Variants in CA10 observed in about 807,000 individuals in gnomAD.
CA10 encodes carbonic anhydrase 10 (inactive).
In CA10, 14 loss-of-function variants were observed where a neutral mutation model predicts 44.2. The observed-to-expected ratio is 0.32, with a 90% CI of 0.21 to 0.50. The LOEUF (loss-of-function observed/expected upper bound fraction) is 0.50, where lower values mean the gene tolerates loss of function less well. CA10 is among the 20% of genes least tolerant of loss of function. The pLI is 0.99. For missense variants in CA10, 350 were observed against 409.7 expected, an observed-to-expected ratio of 0.85 and a Z score of 1.26; for synonymous variants, 159 against 141.6, an observed-to-expected ratio of 1.12 and a Z score of -0.87.
intron 3 of CA10, among the ~76,000 whole-genome samples, chr17:51,846,052 A>C (rs1408446658): frequency 6.6e-6 from 1 of 152,208 alleles, no homozygotes; most frequent in Non-Finnish European, 1.5e-5. Flanking sequence ...TGCTTTAACA[A>C]TTTTTCCAGT....
At chr17:51,961,180 T>C (rs1296167248) in intron 2 of CA10, among the ~76,000 whole-genome samples, 1 of 107,088 alleles carries the variant, frequency 9.3e-6, no homozygotes, top group Non-Finnish European at 1.9e-5. Flanking sequence ...TCTCTGTATG[T>C]ACACACAAAC....
chr17:51,786,336 G>A (rs1446586069), intron 3 of CA10, among the ~76,000 whole-genome samples: 1 of 152,036 alleles, frequency 6.6e-6, no homozygotes, highest in East Asian at 1.9e-4. Flanking sequence ...CAGATCACTT[G>A]AGCTTAGGAG....
At chr17:51,927,072 C>T (rs572732070) in intron 3 of CA10, among the ~76,000 whole-genome samples, 1 of 152,232 alleles carries the variant, frequency 6.6e-6, no homozygotes, top group East Asian at 1.9e-4. Flanking sequence ...TTAGATCCTA[C>T]CTTCTATACT....
intron 2 of CA10, among the ~76,000 whole-genome samples, chr17:52,009,727 T>C (rs2144132898): frequency 6.6e-6 from 1 of 151,960 alleles, no homozygotes; most frequent in Non-Finnish European, 1.5e-5. Context: ...ATGAGCAAAT[T>C]CAACAAAAAC....
intron 3 of CA10, among the ~76,000 whole-genome samples, chr17:51,863,588 C>T (rs762278154): frequency 1.8e-4 from 27 of 152,184 alleles, no homozygotes; most frequent in Non-Finnish European, 3.2e-4. Context: ...ACTTAAGATG[C>T]CAGTCACAAG....
At chr17:51,776,801 A>G (rs1191968346) in intron 3 of CA10, among the ~76,000 whole-genome samples, 1 of 152,216 alleles carries the variant, frequency 6.6e-6, no homozygotes, top group African/African-American at 2.4e-5. Flanking sequence ...AGTCACATGT[A>G]GCTAGTACCT....
At chr17:51,859,922 G>A (rs1174184185) in intron 3 of CA10, among the ~76,000 whole-genome samples, 2 of 152,128 alleles carry the variant, frequency 1.3e-5, no homozygotes, top group Non-Finnish European at 2.9e-5. Flanking sequence ...CTTATTTAAA[G>A]GTCAGAGTGG....
At chr17:51,765,125 A>T (rs1325281099) in intron 3 of CA10, among the ~76,000 whole-genome samples, 2 of 152,230 alleles carry the variant, frequency 1.3e-5, no homozygotes, top group African/African-American at 4.8e-5. Flanking sequence ...ATCTGGTTGC[A>T]ATAAAGCAAA....
chr17:52,065,308 CTGA>C (rs1987503806), intron 2 of CA10, among the ~76,000 whole-genome samples: 1 of 152,184 alleles, frequency 6.6e-6, no homozygotes, highest in South Asian at 2.1e-4. Context: ...ACAGATTGTA[CTGA>C]TGTGTTTGTT....
chr17:51,738,501 G>A (rs779854842), intron 4 of CA10, among the ~76,000 whole-genome samples: 64 of 152,242 alleles, frequency 4.2e-4, no homozygotes, highest in Non-Finnish European at 8.2e-4. Flanking sequence ...TGAGACCAAG[G>A]AAGAACATTT....
chr17:51,969,602 A>T (rs1984206968), intron 2 of CA10, among the ~76,000 whole-genome samples: 1 of 152,092 alleles, frequency 6.6e-6, no homozygotes, highest in African/African-American at 2.4e-5. Flanking sequence ...ATAGAAGAAT[A>T]GATTGGAACC....
intron 6 of CA10, among the ~76,000 whole-genome samples, chr17:51,646,708 T>G (rs534735996): frequency 6.6e-6 from 1 of 152,312 alleles, no homozygotes; most frequent in South Asian, 2.1e-4. Context: ...CAGACTCCCC[T>G]GCCTGCCACT....
intron 2 of CA10, among the ~76,000 whole-genome samples, chr17:51,944,586 C>T (rs947768236): frequency 1.3e-5 from 2 of 152,140 alleles, no homozygotes; most frequent in African/African-American, 2.4e-5. Context: ...GGTATACTCA[C>T]ATAAAGAATA....
intron 2 of CA10, among the ~76,000 whole-genome samples, chr17:52,026,377 T>A (rs1986301808): frequency 6.6e-6 from 1 of 152,150 alleles, no homozygotes; most frequent in Non-Finnish European, 1.5e-5. Flanking sequence ...GGTTCTCTAC[T>A]CAATAGCATC....
intron 3 of CA10, among the ~76,000 whole-genome samples, chr17:51,883,266 G>A (rs369789652): frequency 8.6e-5 from 13 of 151,536 alleles, no homozygotes; most frequent in East Asian, 1.9e-4. Flanking sequence ...CTAATTTTTC[G>A]TTTTCTGTTG....
At chr17:51,842,264 C>A (rs915640319) in intron 3 of CA10, among the ~76,000 whole-genome samples, 2 of 151,876 alleles carry the variant, frequency 1.3e-5, no homozygotes, top group African/African-American at 4.8e-5. Flanking sequence ...AGAGAAAAAA[C>A]AAAAACAATC....
At chr17:52,061,331 T>C (rs1407843392) in intron 2 of CA10, among the ~76,000 whole-genome samples, 1 of 152,114 alleles carries the variant, frequency 6.6e-6, no homozygotes, top group African/African-American at 2.4e-5. Context: ...GTAATGCAGG[T>C]GGCTTCTAGA....
intron 3 of CA10, among the ~76,000 whole-genome samples, chr17:51,749,576 ATTAT>A (rs1474576671): frequency 6.6e-6 from 1 of 152,216 alleles, no homozygotes; most frequent in Non-Finnish European, 1.5e-5. Flanking sequence ...GAGCTAAATG[ATTAT>A]TTAAGTCTCT....
intron 2 of CA10, among the ~76,000 whole-genome samples, chr17:52,034,551 G>T (rs1453064635): frequency 6.6e-6 from 1 of 152,100 alleles, no homozygotes; most frequent in African/African-American, 2.4e-5. Context: ...TGATAGAGCT[G>T]GGGGATGGTT....
Sources: gnomAD v4.1 joint callset for allele counts (sites outside exome capture counted in the v4.1 genomes callset) on GRCh38, gnomAD v4.1.1 for gene constraint, MANE v1.5 for transcripts, NCBI Gene and HGNC (gene_info 2026-07-23, HGNC 2026-07-21) for gene names.